Variants in KRIT1 observed in about 807,000 individuals in gnomAD.
The protein encoded by KRIT1 is krev interaction trapped protein 1.
Under a neutral mutation model 95.8 loss-of-function variants are expected in KRIT1, and 45 were observed. That is an observed-to-expected ratio of 0.47 (90% CI 0.37 to 0.60). KRIT1 has a LOEUF of 0.60. Ranked by LOEUF, KRIT1 falls within the 20% of genes least tolerant of loss-of-function variation. The pLI is 0.00. For synonymous variants in KRIT1, 282 were observed against 278.8 expected, an observed-to-expected ratio of 1.01 and a Z score of -0.11; for missense variants, 788 against 877.5, an observed-to-expected ratio of 0.90 and a Z score of 1.29.
At chr7:92,201,246 A>T (rs963761548) in intron 18 of KRIT1, 61 bp downstream of exon 18, 4 of 837,126 alleles carry the variant, frequency 4.8e-6, no homozygotes, top group South Asian at 1.4e-5. Flanking sequence ...TCACTTTTTT[A>T]AAAAAAGAAG....
Position 92,214,660 on chromosome 7 carries a change from T to A in KRIT1, c.1681A>T (p.Ile561Leu). Residue 561 changes from isoleucine to leucine, a missense_variant, in exon 15 of 19, where the codon ATA becomes TTA. Transcript: ENST00000394505. ...LITLASLLLQ[I>L]VYGNYESKKH... is the part of the protein sequence containing the mutation. Reference sequence around the variant, plus strand: ...TTACTCTCATAATTTCCATAGACTATTTGCAAAAGCAGACTTGCCAATGTT... The same window carrying A: ...TTACTCTCATAATTTCCATAGACTAATTGCAAAAGCAGACTTGCCAATGTT... The A allele has an allele frequency of 1.2e-6, 2 of 1,613,154 alleles. No individual in the cohort carries two copies. Among genetic ancestry groups the A allele is most frequent in the Non-Finnish European group, 1.7e-6 (2 of 1,179,210 alleles).
intron 17 of KRIT1, among the ~76,000 whole-genome samples, chr7:92,208,470 G>C (rs1792052508): frequency 6.6e-6 from 1 of 151,952 alleles, no homozygotes; most frequent in African/African-American, 2.4e-5. Context: ...CTGTTAGGTA[G>C]ACTAACCAAG....
chr7:92,221,847 A>T (rs1055796690), intron 14 of KRIT1, 55 bp downstream of exon 14: 2 of 1,490,642 alleles, frequency 1.3e-6, no homozygotes. Flanking sequence ...CTTACAATAG[A>T]AACTCAACAG....
chr7:92,246,090 T>G (rs1800954898), upstream of KRIT1: 2 of 282,210 alleles, frequency 7.1e-6, no homozygotes, highest in Non-Finnish European at 1.4e-5. Context: ...TGCCAGCGGC[T>G]GAGCCGGAGC....
rs188656870 is a variant in KRIT1 at position 92,199,832 on chromosome 7, T to G, written c.*904A>C. 6.6e-6 allele frequency: 1 copy of G among 152,302 alleles called. No homozygotes were observed. Among genetic ancestry groups the G allele is most frequent in the East Asian group, 1.9e-4 (1 of 5,186 alleles). The allele number at this position is 152,302 out of a possible 1,614,324, so 9.4% of individuals were successfully genotyped here. A position where few individuals can be genotyped will look rare whatever the true frequency, so the allele number is the denominator to read the frequency against. ...AGAGAGTGAATGCCCTTGTTTAGAA[T>G]GGGTCTCTGAAATCTTCATTTTTAA... On this transcript the variant is annotated 3_prime_UTR_variant, in exon 19 of 19. Transcript: ENST00000394505.
intron 17 of KRIT1, among the ~76,000 whole-genome samples, chr7:92,205,285 G>T: frequency 6.6e-6 from 1 of 152,118 alleles, no homozygotes; most frequent in East Asian, 1.9e-4. Flanking sequence ...GGCAGAGGTT[G>T]CAGTGAGCCA....
At chr7:92,240,936 G>C (rs1203239216) in intron 5 of KRIT1, 57 bp downstream of exon 5, 1 of 1,331,676 alleles carries the variant, frequency 7.5e-7, no homozygotes, top group African/African-American at 1.4e-5. Flanking sequence ...ATTTTTAAAA[G>C]AATCTTTCTC....
chr7:92,226,660 G>A lies in KRIT1; in HGVS notation c.1012C>T (p.Arg338Cys), dbSNP rs376805857. The A allele has an allele frequency of 4.4e-5, 71 of 1,612,964 alleles. No homozygotes were observed. Among genetic ancestry groups the A allele is most frequent in the Middle Eastern group, 3.3e-4 (2 of 6,080 alleles). ...ACWYGKVEAT[R>C]ILLEKGKCNP... ...CACTTTCCTTTCTCTAACAATATGC[G>A]AGTGGCCTCAACTTTTCCATACCTG... Residue 338 changes from arginine (R) to cysteine (C), a missense_variant, in exon 11 of 19, where the codon CGC (arginine) becomes TGC (cysteine). By Grantham distance (180) the Arg-to-Cys change is radical. Coordinates refer to ENST00000394505, the MANE Select transcript of KRIT1 (RefSeq NM_194454.3).
At chr7:92,214,156 CA>C (rs1425543444) in intron 15 of KRIT1, among the ~76,000 whole-genome samples, 177 bp from the exon 16 acceptor site, 2 of 152,104 alleles carry the variant, frequency 1.3e-5, no homozygotes, top group African/African-American at 4.8e-5. Flanking sequence ...CTCATATTAT[CA>C]ATTTAGATAA....
intron 14 of KRIT1, among the ~76,000 whole-genome samples, chr7:92,221,326 C>A (rs1052110214): frequency 6.6e-6 from 1 of 152,070 alleles, no homozygotes; most frequent in Non-Finnish European, 1.5e-5. Context: ...ATAATCCCAA[C>A]TACTTGGGAG....
intron 10 of KRIT1, among the ~76,000 whole-genome samples, chr7:92,231,083 A>C (rs945819421): frequency 4.6e-5 from 7 of 152,354 alleles, no homozygotes; most frequent in Admixed American, 2.6e-4. Flanking sequence ...CAGAGAAAGA[A>C]GACACTGATT....
Position 92,221,984 on chromosome 7 carries a change from A to G in KRIT1, c.1481T>C (p.Leu494Ser). The stretch of plus-strand genomic sequence containing the variant: ...TTCCCTTTGAGGATCCAGATTAGTC[A>G]ATTCAGCAAGTATTTCTGGCCAGTC... ...VRDWPEILAE[L>S]TNLDPQRETP... Residue 494 changes from leucine (L) to serine (S), a missense_variant, in exon 14 of 19, where the codon TTG (leucine) becomes TCG (serine). By Grantham distance (145) the Leu-to-Ser change is moderately radical. Transcript: ENST00000394505. 1 of 1,613,532 alleles carries G rather than the reference A, an allele frequency of 6.2e-7. No homozygotes were observed. Among genetic ancestry groups the G allele is most frequent in the Non-Finnish European group, 8.5e-7 (1 of 1,179,478 alleles).
chr7:92,227,585 AG>A (rs2131543277), intron 10 of KRIT1, among the ~76,000 whole-genome samples: 1 of 151,854 alleles, frequency 6.6e-6, no homozygotes, highest in Non-Finnish European at 1.5e-5. Flanking sequence ...CCCAGGCTGG[AG>A]TGCAGTGGTG....
chr7:92,230,905 G>A (rs567578313), intron 10 of KRIT1, among the ~76,000 whole-genome samples: 6 of 152,228 alleles, frequency 3.9e-5, no homozygotes, highest in South Asian at 2.1e-4. Context: ...GAGTAGAAAC[G>A]TTTAGAATAG....
intron 10 of KRIT1, among the ~76,000 whole-genome samples, chr7:92,228,030 G>C (rs1796556416): frequency 6.6e-6 from 1 of 151,932 alleles, no homozygotes; most frequent in Non-Finnish European, 1.5e-5. Flanking sequence ...GTTGCGGCGG[G>C]GAGGTGGGAA....
intron 10 of KRIT1, among the ~76,000 whole-genome samples, chr7:92,233,258 T>C (rs532290575): frequency 7.9e-5 from 12 of 152,028 alleles, no homozygotes; most frequent in Non-Finnish European, 1.3e-4. Flanking sequence ...ATCAAAAGAA[T>C]TTCGAGTTGG....
intron 4 of KRIT1, 138 bp from the exon 5 acceptor site, chr7:92,241,290 C>A: frequency 1.5e-6 from 1 of 689,068 alleles, no homozygotes; most frequent in South Asian, 1.7e-5. Context: ...TAGCAATGCC[C>A]AGCCCCATCC....
Position 92,239,410 on chromosome 7 carries a change from A to T in KRIT1, c.262+1583T>A, listed in dbSNP as rs979398894. Among the ~76,000 whole-genome samples the T allele has an allele frequency of 2.6e-5, 4 of 152,224 alleles. No individual in the cohort carries two copies. In the East Asian group the frequency reaches 5.8e-4, roughly 22 times the overall value. ...TTTAGGCTAATTAGATTTCTGTCTC[A>T]GGGATTTGGTGTCAGGATAGATGCT... On this transcript the variant is annotated intron_variant, in intron 5 of 18. Coordinates refer to ENST00000394505, the MANE Select transcript of KRIT1 (RefSeq NM_194454.3).
At chr7:92,233,409 C>CTT (rs35291071) in intron 10 of KRIT1, among the ~76,000 whole-genome samples, 73 of 140,148 alleles carry the variant, frequency 5.2e-4, no homozygotes, top group South Asian at 9.2e-4. Flanking sequence ...TAATGTGGTA[C>CTT]TTTTTTTTTT....
Sources: allele counts gnomAD v4.1 joint callset (sites outside exome capture counted in the v4.1 genomes callset), GRCh38; gene constraint gnomAD v4.1.1; transcripts MANE v1.5; gene names NCBI Gene and HGNC (gene_info 2026-07-23, HGNC 2026-07-21).